The following CCDC171 variants were observed in gnomAD, a reference collection of about 807,000 sequenced individuals.
CCDC171 encodes the protein coiled-coil domain-containing protein 171.
A neutral mutation model predicts 168.2 loss-of-function variants in CCDC171; 177 were observed. That is an observed-to-expected ratio of 1.05 (90% CI 0.93 to 1.19). The LOEUF (loss-of-function observed/expected upper bound fraction) is 1.19. Among genes scored for constraint, CCDC171 ranks in the 50% most tolerant of loss-of-function variants. The probability of loss-of-function intolerance (pLI) is 0.00; values close to 1 mark genes in which losing one functional copy is unlikely to be tolerated. For missense variants in CCDC171, 1,991 were observed against 1,539.0 expected (o/e 1.29, Z -4.91); for synonymous variants, 687 against 540.8 (o/e 1.27, Z -3.75).
intron 24 of CCDC171, among the ~76,000 whole-genome samples, chr9:15,880,609 A>G (rs945378246): frequency 6.9e-6 from 1 of 145,216 alleles, no homozygotes; most frequent in Non-Finnish European, 1.5e-5. Context: ...GGCATGTGCC[A>G]CCATGCCCGC....
At chr9:15,598,797 G>T (rs1322020937) in intron 6 of CCDC171, among the ~76,000 whole-genome samples, 1 of 152,084 alleles carries the variant, frequency 6.6e-6, no homozygotes, top group African/African-American at 2.4e-5. Flanking sequence ...TCCTTTTGTA[G>T]GTCTCTAAGG....
rs117585070 is a variant in CCDC171 at position 15,837,022 on chromosome 9, C to G, written c.3268-9680C>G. Among the ~76,000 whole-genome samples, 4 of 152,310 alleles carry G rather than the reference C, an allele frequency of 2.6e-5. No individual in the cohort carries two copies. The East Asian group carries it at 7.7e-4, about 29-fold the overall frequency. On this transcript the variant is annotated intron_variant, in intron 21 of 25. Coordinates refer to ENST00000380701, the MANE Select transcript of CCDC171 (RefSeq NM_173550.4). ...ACTTGACATTTTAACATCTGCAACC[C>G]TCTTCACTAGTTTGGTCAGTAGGGT...
chr9:16,080,583 C>G, the CCDC171 span, among the ~76,000 whole-genome samples: 1 of 152,168 alleles, frequency 6.6e-6, no homozygotes, highest in Admixed American at 6.5e-5. Context: ...GGTGATGCAG[C>G]AAGTCAAAAA....
At chr9:15,894,111 G>T (rs965712702) in intron 24 of CCDC171, among the ~76,000 whole-genome samples, 3 of 152,122 alleles carry the variant, frequency 2.0e-5, no homozygotes, top group Non-Finnish European at 2.9e-5. Flanking sequence ...ACAGAACGAG[G>T]TCGTGTTCTT....
intron 3 of CCDC171, among the ~76,000 whole-genome samples, chr9:16,014,054 C>G (rs577967450): frequency 6.6e-6 from 1 of 152,202 alleles, no homozygotes; most frequent in East Asian, 1.9e-4. Flanking sequence ...GGTTTCTCTG[C>G]AGCATGTGAT....
In CCDC171 at chr9:15,945,245, T is replaced by C. The variant is rs9407692; in HGVS notation, c.3753+24823T>C. On this transcript the variant is annotated intron_variant, in intron 25 of 25. Transcript: ENST00000380701. The stretch of plus-strand genomic sequence containing the variant: ...TATGGCTGCATAGTATTCCATGGTG[T>C]ATATGTGCCACATTTTCTTAATCCA... Among the ~76,000 whole-genome samples, 244 of 148,388 alleles carry C rather than the reference T, an allele frequency of 1.6e-3. 1 individual carries two copies. The highest frequency in any genetic ancestry group is 3.5e-3 in the African/African-American group (142 of 40,318).
At chr9:15,625,402 C>T (rs1251500353) in intron 7 of CCDC171, among the ~76,000 whole-genome samples, 2 of 152,100 alleles carry the variant, frequency 1.3e-5, no homozygotes, top group Non-Finnish European at 2.9e-5. Flanking sequence ...ATGCCTATGT[C>T]CTGAATGGTA....
chr9:15,636,117 AC>A (rs1294468852), intron 7 of CCDC171, among the ~76,000 whole-genome samples: 4 of 152,092 alleles, frequency 2.6e-5, no homozygotes, highest in Non-Finnish European at 4.4e-5. Context: ...AGACCCTTAG[AC>A]CCTTCTCTTT....
At chr9:15,747,436 C>T (rs1169736008) in intron 18 of CCDC171, among the ~76,000 whole-genome samples, 1 of 152,212 alleles carries the variant, frequency 6.6e-6, no homozygotes, top group Non-Finnish European at 1.5e-5. Flanking sequence ...GGGTCCCTGA[C>T]CCTCGTGTAG....
chr9:15,642,343 G>GTGTGTATA (rs1369419679), intron 7 of CCDC171, among the ~76,000 whole-genome samples: 104 of 107,430 alleles, frequency 9.7e-4, no homozygotes, highest in African/African-American at 4.4e-3. Flanking sequence ...GTGTGTGTGT[G>GTGTGTATA]TATATATATA....
At chr9:15,660,648 G>C (rs10962112) in intron 8 of CCDC171, among the ~76,000 whole-genome samples, 6,384 of 152,226 alleles carry the variant, frequency 0.042, 192 homozygotes, top group Non-Finnish European at 0.061. Flanking sequence ...CATAGGACAT[G>C]ATTTTGTTCT....
intron 6 of CCDC171, among the ~76,000 whole-genome samples, chr9:15,599,053 A>G (rs1336123462): frequency 6.6e-6 from 1 of 152,044 alleles, no homozygotes; most frequent in African/African-American, 2.4e-5. Flanking sequence ...TCTGCATGTG[A>G]GATGGGTCTC....
At chr9:15,897,591 A>G (rs1412815115) in intron 24 of CCDC171, among the ~76,000 whole-genome samples, 1 of 152,168 alleles carries the variant, frequency 6.6e-6, no homozygotes, top group Non-Finnish European at 1.5e-5. Flanking sequence ...GAGTCAATGC[A>G]GAGTAATACT....
At chr9:15,941,124 C>A (rs1827675235) in intron 25 of CCDC171, among the ~76,000 whole-genome samples, 1 of 151,914 alleles carries the variant, frequency 6.6e-6, no homozygotes, top group Admixed American at 6.6e-5. Flanking sequence ...CCTCACCCAG[C>A]CGGCAGACTA....
intron 24 of CCDC171, among the ~76,000 whole-genome samples, chr9:15,896,117 A>G (rs1473721017): frequency 1.3e-5 from 2 of 152,042 alleles, no homozygotes; most frequent in African/African-American, 2.4e-5. Context: ...AGTAATCTTT[A>G]GCATAATAAG....
intron 6 of CCDC171, among the ~76,000 whole-genome samples, chr9:15,596,135 G>C (rs1295400226): frequency 6.6e-6 from 1 of 152,112 alleles, no homozygotes; most frequent in Non-Finnish European, 1.5e-5. Flanking sequence ...CTGTGTAGGA[G>C]CTCTTTAGTT....
chr9:15,804,995 G>A (rs1418888979), intron 21 of CCDC171, among the ~76,000 whole-genome samples: 6 of 152,012 alleles, frequency 3.9e-5, no homozygotes, highest in South Asian at 4.1e-4. Flanking sequence ...GGGTATATGT[G>A]TCAAGGAATT....
chr9:15,936,448 G>A (rs1271854824), intron 25 of CCDC171, among the ~76,000 whole-genome samples: 2 of 151,934 alleles, frequency 1.3e-5, no homozygotes, highest in African/African-American at 2.4e-5. Flanking sequence ...GTTCAGACCA[G>A]CTCATCTGTT....
chr9:15,857,170 C>A (rs2061377110), intron 23 of CCDC171, among the ~76,000 whole-genome samples: 1 of 151,790 alleles, frequency 6.6e-6, no homozygotes, highest in Admixed American at 6.6e-5. Flanking sequence ...CACAGGTTGC[C>A]TTTTCATTAT....
Sources: gnomAD v4.1 joint callset for allele counts (sites outside exome capture counted in the v4.1 genomes callset) on GRCh38, gnomAD v4.1.1 for gene constraint, MANE v1.5 for transcripts, NCBI Gene and HGNC (gene_info 2026-07-23, HGNC 2026-07-21) for gene names.